The following PCDHA10 variants were observed in gnomAD, a reference collection of about 807,000 sequenced individuals.
PCDHA10 encodes the protein protocadherin alpha-10.
Under a neutral mutation model 61.2 loss-of-function variants are expected in PCDHA10, and 45 were observed. The ratio of observed to expected loss-of-function variants is 0.74; its 90% CI spans 0.58 to 0.94. PCDHA10 has a LOEUF of 0.94. Among genes scored for constraint, PCDHA10 ranks in the 40% least tolerant of loss-of-function variants. PCDHA10 has a pLI of 0.00. For synonymous variants in PCDHA10, 602 were observed against 548.8 expected, an observed-to-expected ratio of 1.10 and a Z score of -1.35; for missense variants, 1,278 against 1,236.2, an observed-to-expected ratio of 1.03 and a Z score of -0.51.
chr5:140,868,431 G>T (rs1319024879), intron 1 of PCDHA10: 2 of 152,206 alleles, frequency 1.3e-5, no homozygotes, highest in Non-Finnish European at 2.9e-5. Flanking sequence ...GATGAGAATA[G>T]ATCATGTGGA....
intron 2 of PCDHA10, among the ~76,000 whole-genome samples, chr5:140,979,275 C>T (rs141662665): frequency 6.6e-6 from 1 of 152,320 alleles, no homozygotes; most frequent in East Asian, 1.9e-4. Flanking sequence ...AAAATTTCTA[C>T]AGGGAAGTAA....
At chr5:140,861,696 G>C (rs2047025266) in intron 1 of PCDHA10, 1 of 223,632 alleles carries the variant, frequency 4.5e-6, no homozygotes, top group South Asian at 6.6e-5. Context: ...GAGGGTGTCT[G>C]TGATGCCGAC....
intron 3 of PCDHA10, among the ~76,000 whole-genome samples, chr5:141,007,567 CA>C (rs1489201842): frequency 6.6e-6 from 1 of 151,954 alleles, no homozygotes; most frequent in Non-Finnish European, 1.5e-5. Flanking sequence ...GGCTCTATCT[CA>C]AATTTAAAAA....
At chr5:140,980,284 T>C (rs1226756896) in intron 2 of PCDHA10, among the ~76,000 whole-genome samples, 6 of 152,182 alleles carry the variant, frequency 3.9e-5, no homozygotes, top group African/African-American at 1.4e-4. Flanking sequence ...TCTTGAAAAG[T>C]ACCAAAGCTA....
chr5:140,888,941 TAA>T (rs1361014830), intron 1 of PCDHA10, among the ~76,000 whole-genome samples: 2 of 152,086 alleles, frequency 1.3e-5, no homozygotes, highest in Non-Finnish European at 1.5e-5. Flanking sequence ...GAGGGAGGTA[TAA>T]ATTTTTTCTT....
At chr5:140,991,472 C>G (rs1480480128) in intron 3 of PCDHA10, among the ~76,000 whole-genome samples, 1 of 152,172 alleles carries the variant, frequency 6.6e-6, no homozygotes, top group African/African-American at 2.4e-5. Context: ...TCTTACAGTT[C>G]TGGAAGTCAG....
chr5:140,875,738 G>T lies in PCDHA10; in HGVS notation c.2388+17302G>T, dbSNP rs1197047985. 12 of 1,614,086 alleles carry T rather than the reference G, an allele frequency of 7.4e-6. No homozygotes were observed. The highest frequency in any genetic ancestry group is 3.3e-5 in the Admixed American group (2 of 60,008). ...AATGGCATTTTGTTTGTGAATTCTC[G>T]GATCGACCGCGAGAAGCTGTGCGGG... On this transcript the variant is annotated intron_variant, in intron 1 of 3. Coordinates refer to ENST00000307360, the MANE Select transcript of PCDHA10 (RefSeq NM_018901.4).
intron 1 of PCDHA10, among the ~76,000 whole-genome samples, chr5:140,918,605 G>T (rs2078775246): frequency 6.6e-6 from 1 of 152,198 alleles, no homozygotes; most frequent in Non-Finnish European, 1.5e-5. Flanking sequence ...ATGTTGCTAT[G>T]ATATGAATGT....
chr5:140,965,814 T>C (rs1423732818), intron 1 of PCDHA10, among the ~76,000 whole-genome samples: 1 of 152,224 alleles, frequency 6.6e-6, no homozygotes, highest in Non-Finnish European at 1.5e-5. Flanking sequence ...AAACAGAGCA[T>C]TTTAAACATT....
intron 1 of PCDHA10, among the ~76,000 whole-genome samples, chr5:140,885,299 G>A (rs904206700): frequency 3.9e-5 from 6 of 152,042 alleles, no homozygotes; most frequent in African/African-American, 1.4e-4. Context: ...GAGAGACCTG[G>A]TAGGCTTTTT....
At chr5:140,966,631 G>A in intron 1 of PCDHA10, 1 of 995,532 alleles carries the variant, frequency 1.0e-6, no homozygotes, top group Non-Finnish European at 1.4e-6. Flanking sequence ...AGCGGCCCCA[G>A]GCGCTTTCTA....
chr5:140,984,945 C>CT (rs113297104), intron 3 of PCDHA10, among the ~76,000 whole-genome samples: 99 of 149,274 alleles, frequency 6.6e-4, no homozygotes, highest in Non-Finnish European at 1.1e-3. Context: ...AATGTCTAAT[C>CT]TTTTTTTTTT....
At chr5:140,928,624 C>T (rs782032190) in intron 1 of PCDHA10, 1 of 1,614,242 alleles carries the variant, frequency 6.2e-7, no homozygotes, top group Non-Finnish European at 8.5e-7. Context: ...CAGGACTGGA[C>T]ACTTGGTCAC....
At chr5:140,926,375 C>G (rs1265113344) in intron 1 of PCDHA10, 1 of 152,328 alleles carries the variant, frequency 6.6e-6, no homozygotes, top group African/African-American at 2.4e-5. Flanking sequence ...CAGGAAGAGC[C>G]CAGCTGGGCT....
At chr5:140,945,034 C>T (rs1218648203) in intron 1 of PCDHA10, among the ~76,000 whole-genome samples, 1 of 152,066 alleles carries the variant, frequency 6.6e-6, no homozygotes, top group East Asian at 1.9e-4. Flanking sequence ...ACATAATTAT[C>T]TTTGGTCTTA....
At chr5:140,997,967 G>A (rs1275111362) in intron 3 of PCDHA10, among the ~76,000 whole-genome samples, 1 of 152,104 alleles carries the variant, frequency 6.6e-6, no homozygotes, top group African/African-American at 2.4e-5. Flanking sequence ...CGTACCTGTG[G>A]TTGGACTGCA....
intron 3 of PCDHA10, among the ~76,000 whole-genome samples, chr5:140,992,490 G>A (rs2097515419): frequency 6.6e-6 from 1 of 152,196 alleles, no homozygotes; most frequent in Non-Finnish European, 1.5e-5. Flanking sequence ...AGGCCAATCT[G>A]TAAGGATTCA....
chr5:140,883,972 C>T (rs781784485), intron 1 of PCDHA10: 2 of 1,612,972 alleles, frequency 1.2e-6, no homozygotes, highest in Non-Finnish European at 8.5e-7. Context: ...TGCTGACGCC[C>T]GGGGCTGGCA....
chr5:141,000,924 G>C (rs375816680), intron 3 of PCDHA10, among the ~76,000 whole-genome samples: 97 of 152,046 alleles, frequency 6.4e-4, no homozygotes, highest in African/African-American at 2.2e-3. Context: ...AAAAAATCCT[G>C]TGTGATTTAG....
Sources: allele counts gnomAD v4.1 joint callset (sites outside exome capture counted in the v4.1 genomes callset), GRCh38; gene constraint gnomAD v4.1.1; transcripts MANE v1.5; gene names NCBI Gene and HGNC (gene_info 2026-07-23, HGNC 2026-07-21).